Variants in HSD17B11 observed in about 807,000 individuals in gnomAD.
HSD17B11 encodes the protein hydroxysteroid 17-beta dehydrogenase 11, also known as estradiol 17-beta-dehydrogenase 11.
A neutral mutation model predicts 27.8 loss-of-function variants in HSD17B11; 22 were observed. The ratio of observed to expected loss-of-function variants is 0.79; its 90% CI spans 0.56 to 1.13. The LOEUF is 1.13. Ranked by LOEUF, HSD17B11 falls within the 50% of genes most tolerant of loss-of-function variation. The pLI, the probability that HSD17B11 is intolerant of heterozygous loss-of-function variation, is 0.00. For missense variants in HSD17B11, 314 were observed against 351.1 expected (o/e 0.89, Z 0.84); for synonymous variants, 117 against 132.8 (o/e 0.88, Z 0.82).
intron 5 of HSD17B11, 33 bp downstream of exon 5, chr4:87,357,246 C>G (rs930364687): frequency 1.9e-6 from 3 of 1,604,002 alleles, no homozygotes; most frequent in Non-Finnish European, 2.6e-6. Flanking sequence ...TCATAGCAAC[C>G]ACCAATCCTT....
At chr4:87,337,750 C>T (rs183901126) in intron 6 of HSD17B11, among the ~76,000 whole-genome samples, 1 of 152,354 alleles carries the variant, frequency 6.6e-6, no homozygotes, top group East Asian at 1.9e-4. Context: ...AAATGTTCCA[C>T]TAAGAGACTG....
intron 1 of HSD17B11, among the ~76,000 whole-genome samples, chr4:87,386,604 A>C (rs1720326279): frequency 6.6e-6 from 1 of 152,232 alleles, no homozygotes; most frequent in Non-Finnish European, 1.5e-5. Context: ...TTCAAAAAAA[A>C]AATGAATTCT....
At chr4:87,358,051 TC>T (rs1735424686) in intron 4 of HSD17B11, among the ~76,000 whole-genome samples, 1 of 133,976 alleles carries the variant, frequency 7.5e-6, no homozygotes, top group South Asian at 2.6e-4. Context: ...AAGCTCCGCC[TC>T]CCGGGTTCCC....
intron 2 of HSD17B11, among the ~76,000 whole-genome samples, chr4:87,376,064 T>G (rs1444514674): frequency 6.6e-6 from 1 of 152,216 alleles, no homozygotes; most frequent in African/African-American, 2.4e-5. Context: ...AAATAATGCA[T>G]GTAAAGGAGC....
At chr4:87,390,812 A>G (rs1273952583) in intron 1 of HSD17B11, 49 bp downstream of exon 1, 2 of 1,538,312 alleles carry the variant, frequency 1.3e-6, no homozygotes, top group South Asian at 1.1e-5. Context: ...ATGCAGACAC[A>G]TCCACAAATT....
chr4:87,339,461 C>A (rs2110111430), intron 6 of HSD17B11, among the ~76,000 whole-genome samples: 1 of 152,296 alleles, frequency 6.6e-6, no homozygotes, highest in Middle Eastern at 3.4e-3. Context: ...ACTCAAACAT[C>A]CATGTTAAAA....
intron 2 of HSD17B11, among the ~76,000 whole-genome samples, chr4:87,376,302 G>A (rs1735822324): frequency 1.3e-5 from 2 of 151,754 alleles, no homozygotes; most frequent in Admixed American, 6.6e-5. Flanking sequence ...GTCAGGAATC[G>A]GAGACCAGCC....
chr4:87,373,508 G>A (rs1007077379), intron 3 of HSD17B11, among the ~76,000 whole-genome samples: 3 of 151,676 alleles, frequency 2.0e-5, no homozygotes, highest in Non-Finnish European at 2.9e-5. Context: ...CCAGGAGCTC[G>A]AGATCAGCCT....
At chr4:87,358,486 GGTT>G (rs1735435590) in intron 4 of HSD17B11, among the ~76,000 whole-genome samples, 1 of 151,906 alleles carries the variant, frequency 6.6e-6, no homozygotes, top group Admixed American at 6.6e-5. Flanking sequence ...TACTTTCTCA[GGTT>G]TTTTTAATTT....
At chr4:87,373,104 C>CCGAGG in intron 3 of HSD17B11, 2 of 281,526 alleles carry the variant, frequency 7.1e-6, no homozygotes, top group South Asian at 4.2e-5. Context: ...CTTTGGGAGG[C>CCGAGG]CAACTCGGGC....
intron 2 of HSD17B11, among the ~76,000 whole-genome samples, chr4:87,378,115 C>G (rs76736633): frequency 0.057 from 8,630 of 152,258 alleles, 836 homozygotes; most frequent in African/African-American, 0.2. Flanking sequence ...GGGCATCAAT[C>G]TGCCATGCTG....
At position 87,337,230 on chromosome 4, in the gene HSD17B11, G is replaced by T; in HGVS notation, c.*46C>A. The T allele has an allele frequency of 1.8e-6, 2 of 1,118,856 alleles. No individual in the cohort carries two copies. The highest frequency in any genetic ancestry group is 1.3e-5 in the South Asian group (1 of 78,590). The allele number at this position is 1,118,856 out of a possible 1,614,324, so 69.3% of individuals were successfully genotyped here. A position where few individuals can be genotyped will look rare whatever the true frequency, so the allele number is the denominator to read the frequency against. ...CATTAAAATTCTGGCACTATTAGAT[G>T]ACATCAACCTAAACCTGGTAAATCA... is the stretch of plus-strand genomic sequence containing the variant. On this transcript the variant is annotated 3_prime_UTR_variant, in exon 7 of 7. Coordinates refer to ENST00000358290, the MANE Select transcript of HSD17B11 (RefSeq NM_016245.5).
At chr4:87,356,087 A>C (rs752985885) in intron 5 of HSD17B11, among the ~76,000 whole-genome samples, 17 of 152,278 alleles carry the variant, frequency 1.1e-4, no homozygotes, top group Non-Finnish European at 2.1e-4. Context: ...CGCGTACTGG[A>C]TTGGCGGTGA....
chr4:87,337,455 T>C (rs887862102), intron 6 of HSD17B11, 89 bp from the exon 7 acceptor site: 7 of 740,484 alleles, frequency 9.5e-6, no homozygotes, highest in Admixed American at 4.7e-5. Flanking sequence ...TAAGTTATCA[T>C]GTATAGTCAT....
At chr4:87,337,944 G>A (rs192513550) in intron 6 of HSD17B11, among the ~76,000 whole-genome samples, 17 of 152,290 alleles carry the variant, frequency 1.1e-4, no homozygotes, top group African/African-American at 3.6e-4. Flanking sequence ...TTGGCCTGGC[G>A]TGGTGGCTCA....
intron 1 of HSD17B11, among the ~76,000 whole-genome samples, chr4:87,387,738 CAA>C (rs894016462): frequency 2.6e-5 from 4 of 152,126 alleles, no homozygotes; most frequent in Non-Finnish European, 5.9e-5. Context: ...TTTTTACCCA[CAA>C]AAAGTAGGAA....
rs1382890158 is a variant in HSD17B11 at position 87,337,299 on chromosome 4, C to T, written c.880G>A (p.Gly294Arg). 6.2e-7 allele frequency: 1 copy of T among 1,604,830 alleles called. No homozygotes were observed. The highest frequency in any genetic ancestry group is 1.3e-5 in the African/African-American group (1 of 74,780). The change falls in exon 7 of 7, where the codon GGA becomes AGA. Residue 294 changes from glycine to arginine, a missense_variant. Physicochemically the swap from Gly to Arg is moderately radical, Grantham distance 125 (BLOSUM62 -2). Transcript: ENST00000358290. ...GCTTATTGCGCTTTCATTTTATATC[C>T]AATAACTGCATCAAACTTAACACTG... Reference protein sequence around the residue: ...KISVKFDAVIGYKMKAQ With the variant: ...KISVKFDAVIRYKMKAQ
chr4:87,372,692 A>T lies in HSD17B11; in HGVS notation c.557+17T>A. The T allele has an allele frequency of 6.7e-7, 1 of 1,485,370 alleles. No homozygotes were observed. The highest frequency in any genetic ancestry group is 9.4e-7 in the Non-Finnish European group (1 of 1,063,306). 92.0% of individuals were successfully genotyped at this position (1,485,370 alleles called of 1,614,324 possible). ...GGTAGGCATAAGAACCAATGAAGGAAACACATGTTCACATACCAGTAAGCC... is the reference window on the plus strand; with the variant it reads ...GGTAGGCATAAGAACCAATGAAGGATACACATGTTCACATACCAGTAAGCC... On this transcript the variant is annotated intron_variant, in intron 4 of 6. Transcript: ENST00000358290.
chr4:87,388,166 C>CAA (rs67885339), intron 1 of HSD17B11, among the ~76,000 whole-genome samples: 33,750 of 137,254 alleles, frequency 0.25, 5,417 homozygotes, highest in African/African-American at 0.47. Flanking sequence ...GTAGTCACAC[C>CAA]AAAAAAAAAA....
Sources: allele counts gnomAD v4.1 joint callset (sites outside exome capture counted in the v4.1 genomes callset), GRCh38; gene constraint gnomAD v4.1.1; transcripts MANE v1.5; gene names NCBI Gene and HGNC (gene_info 2026-07-23, HGNC 2026-07-21).